Variants in RAD51B observed in about 807,000 individuals in gnomAD.
RAD51B encodes the protein RAD51 paralog B.
In RAD51B, 38 loss-of-function variants were observed where a neutral mutation model predicts 42.2. The observed-to-expected ratio is 0.90, with a 90% CI of 0.70 to 1.18. The LOEUF is 1.18. RAD51B is among the 50% of genes most tolerant of loss of function. The pLI is 0.00. For synonymous variants in RAD51B, 154 were observed against 145.2 expected, an observed-to-expected ratio of 1.06 and a Z score of -0.43; for missense variants, 373 against 400.7, an observed-to-expected ratio of 0.93 and a Z score of 0.59.
intron 8 of RAD51B, among the ~76,000 whole-genome samples, chr14:68,363,661 G>T (rs1247107280): frequency 1.3e-5 from 2 of 152,226 alleles, no homozygotes; most frequent in African/African-American, 4.8e-5. Context: ...TCAAGGAGGA[G>T]GGTTGGGCCG....
intron 7 of RAD51B, among the ~76,000 whole-genome samples, chr14:67,969,697 G>T (rs1203542591): frequency 6.6e-6 from 1 of 151,886 alleles, no homozygotes; most frequent in East Asian, 1.9e-4. Context: ...TACTTAATTA[G>T]GAATATAAAT....
intron 5 of RAD51B, among the ~76,000 whole-genome samples, chr14:67,866,087 A>G (rs755252042): frequency 1.5e-4 from 23 of 152,228 alleles, no homozygotes; most frequent in African/African-American, 5.3e-4. Context: ...AGAAAATGCA[A>G]TTAGCAGAAT....
intron 7 of RAD51B, among the ~76,000 whole-genome samples, chr14:68,108,483 C>T (rs1273874675): frequency 1.3e-5 from 2 of 151,882 alleles, no homozygotes; most frequent in South Asian, 2.1e-4. Context: ...GATGAACGTT[C>T]TGTTAAGTGA....
At chr14:68,481,037 G>A (rs146321814), downstream of RAD51B, among the ~76,000 whole-genome samples, 1 of 152,306 alleles carries the variant, frequency 6.6e-6, no homozygotes, top group East Asian at 1.9e-4. Context: ...TTAGTCCATG[G>A]TGAAGTCATA....
intron 5 of RAD51B, among the ~76,000 whole-genome samples, chr14:67,868,502 C>T (rs1318581476): frequency 6.6e-6 from 1 of 152,232 alleles, no homozygotes; most frequent in African/African-American, 2.4e-5. Flanking sequence ...GGCAGCGAGG[C>T]TCAGGGAGGG....
chr14:68,276,543 C>A (rs1352618709), intron 7 of RAD51B, among the ~76,000 whole-genome samples: 1 of 151,780 alleles, frequency 6.6e-6, no homozygotes, highest in African/African-American at 2.4e-5. Context: ...CTGAGATATT[C>A]AGCTTTTATT....
At chr14:68,541,368 C>A in intron 10 of RAD51B, 1 of 985,424 alleles carries the variant, frequency 1.0e-6, no homozygotes, top group African/African-American at 1.7e-5. Flanking sequence ...GGAGAAATGC[C>A]ATAGTCCTTC....
chr14:68,008,324 A>G (rs961136821), intron 7 of RAD51B, among the ~76,000 whole-genome samples: 2 of 151,908 alleles, frequency 1.3e-5, no homozygotes, highest in African/African-American at 2.4e-5. Flanking sequence ...TATAATGTTA[A>G]TGTTAAGTGA....
chr14:68,522,435 A>G (rs1255251473), intron 10 of RAD51B, among the ~76,000 whole-genome samples: 2 of 152,162 alleles, frequency 1.3e-5, no homozygotes, highest in Non-Finnish European at 2.9e-5. Flanking sequence ...CAAAAAAAAT[A>G]TGGAAGTTAC....
intron 8 of RAD51B, among the ~76,000 whole-genome samples, chr14:68,342,740 A>G (rs900410236): frequency 3.9e-5 from 6 of 152,236 alleles, no homozygotes. Context: ...TGGGGAGCAG[A>G]TCATTTGGTA....
At chr14:67,855,238 C>CTT (rs199813937) in intron 4 of RAD51B, among the ~76,000 whole-genome samples, 1 of 146,834 alleles carries the variant, frequency 6.8e-6, no homozygotes, top group African/African-American at 2.5e-5. Context: ...TATTATAGTT[C>CTT]TTTTTTTTTT....
At chr14:67,840,209 T>C (rs1252550768) in intron 4 of RAD51B, among the ~76,000 whole-genome samples, 1 of 152,138 alleles carries the variant, frequency 6.6e-6, no homozygotes, top group African/African-American at 2.4e-5. Flanking sequence ...AGGTTTGGGG[T>C]ACGATTTATA....
intron 11 of RAD51B, among the ~76,000 whole-genome samples, chr14:68,673,621 A>G (rs1002582229): frequency 6.6e-6 from 1 of 151,676 alleles, no homozygotes; most frequent in African/African-American, 2.4e-5. Flanking sequence ...ACACGTACAC[A>G]TACTGTGCAC....
chr14:67,848,338 T>G (rs1239359160), intron 4 of RAD51B, among the ~76,000 whole-genome samples: 1 of 152,190 alleles, frequency 6.6e-6, no homozygotes, highest in Middle Eastern at 3.2e-3. Flanking sequence ...TTTATCACTG[T>G]GTAATACCCT....
intron 8 of RAD51B, among the ~76,000 whole-genome samples, chr14:68,369,612 C>G (rs1000698806): frequency 6.6e-6 from 1 of 152,182 alleles, no homozygotes; most frequent in Admixed American, 6.5e-5. Flanking sequence ...ACAAACTCCT[C>G]CTGTTCTTTC....
intron 4 of RAD51B, chr14:67,843,323 A>G (rs755459927): frequency 1.5e-5 from 2 of 132,986 alleles, no homozygotes; most frequent in Non-Finnish European, 3.1e-5. Context: ...TGTCTTTTAC[A>G]TTGTGTCTCT....
chr14:68,177,506 A>G (rs2078983895), intron 7 of RAD51B, among the ~76,000 whole-genome samples: 1 of 152,184 alleles, frequency 6.6e-6, no homozygotes, highest in African/African-American at 2.4e-5. Flanking sequence ...CCTTAAAAAC[A>G]TGCGATCACA....
intron 9 of RAD51B, among the ~76,000 whole-genome samples, chr14:68,428,707 TTATA>T (rs532906803): frequency 9.3e-4 from 92 of 99,410 alleles, no homozygotes; most frequent in African/African-American, 1.5e-3. Flanking sequence ...AGGATTTTCT[TTATA>T]TATATATATA....
intron 7 of RAD51B, among the ~76,000 whole-genome samples, chr14:68,152,901 C>T (rs940688255): frequency 1.3e-5 from 2 of 152,260 alleles, no homozygotes; most frequent in Non-Finnish European, 1.5e-5. Flanking sequence ...TGGCCTCCAG[C>T]TCCATCCATG....
Sources: gnomAD v4.1 joint callset for allele counts (sites outside exome capture counted in the v4.1 genomes callset) on GRCh38, gnomAD v4.1.1 for gene constraint, MANE v1.5 for transcripts, NCBI Gene and HGNC (gene_info 2026-07-23, HGNC 2026-07-21) for gene names.